Variants in HTR1F observed in about 807,000 individuals in gnomAD.
HTR1F encodes 5-hydroxytryptamine (serotonin) receptor 1F, G protein-coupled.
In HTR1F, 17 loss-of-function variants were observed where a neutral mutation model predicts 24.0. That is an observed-to-expected ratio of 0.71 (90% confidence interval 0.48 to 1.06). HTR1F has a LOEUF of 1.06. Ranked by LOEUF, HTR1F falls within the 50% of genes least tolerant of loss-of-function variation. The pLI is 0.00. For synonymous variants in HTR1F, 186 were observed against 156.8 expected (o/e 1.19, Z -1.39); for missense variants, 391 against 427.8 (o/e 0.91, Z 0.76).
At chr3:87,902,161 C>A (rs1243776392) in intron 2 of HTR1F, among the ~76,000 whole-genome samples, 1 of 151,998 alleles carries the variant, frequency 6.6e-6, no homozygotes, top group Non-Finnish European at 1.5e-5. Flanking sequence ...CTTAAATGAT[C>A]ACATATCAAA....
At chr3:87,945,891 T>C (rs1280551542) in intron 2 of HTR1F, among the ~76,000 whole-genome samples, 1 of 151,946 alleles carries the variant, frequency 6.6e-6, no homozygotes, top group Non-Finnish European at 1.5e-5. Context: ...GCTCCCAAGA[T>C]GGTGGCGGGC....
At chr3:87,904,480 G>T (rs1368948207) in intron 2 of HTR1F, among the ~76,000 whole-genome samples, 1 of 151,930 alleles carries the variant, frequency 6.6e-6, no homozygotes, top group Non-Finnish European at 1.5e-5. Flanking sequence ...AACCGAAGTG[G>T]CCATCAGTAA....
intron 2 of HTR1F, among the ~76,000 whole-genome samples, chr3:87,904,045 A>T (rs1703597209): frequency 6.6e-6 from 1 of 152,196 alleles, no homozygotes; most frequent in South Asian, 2.1e-4. Flanking sequence ...ATCCAGTTAA[A>T]CACAAAATGA....
At chr3:87,936,217 T>C (rs1372763316) in intron 2 of HTR1F, among the ~76,000 whole-genome samples, 2 of 152,244 alleles carry the variant, frequency 1.3e-5, no homozygotes, top group African/African-American at 4.8e-5. Context: ...AATATATTTA[T>C]ACTTTGAGAA....
At chr3:87,827,120 T>C (rs1704480535) in intron 2 of HTR1F, among the ~76,000 whole-genome samples, 1 of 150,676 alleles carries the variant, frequency 6.6e-6, no homozygotes, top group African/African-American at 2.5e-5. Flanking sequence ...ATTTTCTTTC[T>C]TTCTTTTTTT....
At chr3:87,920,620 A>T (rs966698849) in intron 2 of HTR1F, among the ~76,000 whole-genome samples, 5 of 151,956 alleles carry the variant, frequency 3.3e-5, no homozygotes, top group African/African-American at 1.2e-4. Flanking sequence ...GAAAGATTTT[A>T]AAAAAAGAAA....
At chr3:87,965,656 A>T (rs1208854914) in intron 2 of HTR1F, among the ~76,000 whole-genome samples, 2 of 152,204 alleles carry the variant, frequency 1.3e-5, no homozygotes, top group African/African-American at 4.8e-5. Context: ...GACACACCTT[A>T]TTTGGAACAA....
intron 2 of HTR1F, among the ~76,000 whole-genome samples, chr3:87,988,765 GACAGGGTTTC>G (rs773317750): frequency 6.0e-5 from 9 of 149,672 alleles, no homozygotes; most frequent in Non-Finnish European, 1.0e-4. Context: ...TTTTAGTAGA[GACAGGGTTTC>G]ACCATGTTGG....
chr3:87,898,159 A>T (rs1206222900), intron 2 of HTR1F, among the ~76,000 whole-genome samples: 1 of 152,186 alleles, frequency 6.6e-6, no homozygotes, highest in Non-Finnish European at 1.5e-5. Flanking sequence ...AAGGAACAAG[A>T]TGGGCTAAAA....
At chr3:87,890,541 C>CT (rs79894798) in intron 2 of HTR1F, among the ~76,000 whole-genome samples, 15,351 of 134,542 alleles carry the variant, frequency 0.11, 1,339 homozygotes, top group African/African-American at 0.25. Context: ...CTCCTGATGC[C>CT]TTTTTTTTTT....
At chr3:87,964,719 G>A (rs575187123) in intron 2 of HTR1F, among the ~76,000 whole-genome samples, 1 of 152,336 alleles carries the variant, frequency 6.6e-6, no homozygotes, top group Admixed American at 6.5e-5. Flanking sequence ...TGGAAAGATA[G>A]TAAGAGATGT....
At chr3:87,869,444 G>C (rs1463595683) in intron 2 of HTR1F, among the ~76,000 whole-genome samples, 8 of 98,076 alleles carry the variant, frequency 8.2e-5, no homozygotes, top group Admixed American at 4.7e-4. Context: ...TACATAGATA[G>C]ATAGATAGAT....
At chr3:87,827,093 G>A (rs993655316) in intron 2 of HTR1F, among the ~76,000 whole-genome samples, 66 of 151,600 alleles carry the variant, frequency 4.4e-4, no homozygotes, top group African/African-American at 1.4e-3. Context: ...TTACAGGTTT[G>A]AGCCACCACT....
intron 2 of HTR1F, among the ~76,000 whole-genome samples, chr3:87,882,539 G>A (rs1705828537): frequency 6.6e-6 from 1 of 152,030 alleles, no homozygotes; most frequent in South Asian, 2.1e-4. Context: ...AAAGAATGAT[G>A]AGTTCATGTC....
At chr3:87,979,448 C>G (rs1209053416) in intron 2 of HTR1F, among the ~76,000 whole-genome samples, 1 of 152,156 alleles carries the variant, frequency 6.6e-6, no homozygotes, top group East Asian at 1.9e-4. Context: ...CCGACAGAGA[C>G]CCAGTATTTT....
chr3:87,936,613 A>C (rs1704424970), intron 2 of HTR1F, among the ~76,000 whole-genome samples: 1 of 152,218 alleles, frequency 6.6e-6, no homozygotes, highest in Non-Finnish European at 1.5e-5. Context: ...TCAGCAAAAG[A>C]TAAGATGGTA....
rs370191031 is a variant in HTR1F at position 87,903,747 on chromosome 3, C to A, written c.-43+81623C>A. 1.2e-4 allele frequency among the ~76,000 whole-genome samples: 18 copies of A among 152,138 alleles called. No homozygotes were observed. The East Asian group carries it at 2.9e-3, about 24-fold the overall frequency. ...CCTCAGGGATCTAGAACTAGAAATA[C>A]CATTTGACCGAGCCATCCCATTACT... On this transcript the variant is annotated intron_variant, in intron 2 of 2. Coordinates refer to ENST00000319595, the MANE Select transcript of HTR1F (RefSeq NM_001322209.2).
chr3:87,806,338 T>C (rs1378944655), intron 1 of HTR1F, among the ~76,000 whole-genome samples: 1 of 152,116 alleles, frequency 6.6e-6, no homozygotes, highest in African/African-American at 2.4e-5. Flanking sequence ...GTGGCTATAC[T>C]AATTTACATT....
intron 2 of HTR1F, among the ~76,000 whole-genome samples, chr3:87,928,466 A>G (rs1378330420): frequency 6.6e-6 from 1 of 152,150 alleles, no homozygotes; most frequent in African/African-American, 2.4e-5. Flanking sequence ...TTGTTCATAT[A>G]CTATTTTATA....
Sources: allele counts gnomAD v4.1 joint callset (sites outside exome capture counted in the v4.1 genomes callset), GRCh38; gene constraint gnomAD v4.1.1; transcripts MANE v1.5; gene names NCBI Gene and HGNC (gene_info 2026-07-23, HGNC 2026-07-21).